The following SHKBP1 variants were observed in gnomAD, a reference collection of about 807,000 sequenced individuals.
The protein encoded by SHKBP1 is SH3KBP1-binding protein 1.
SHKBP1 carries 71 observed loss-of-function variants against 83.9 expected under a neutral mutation model. That is an observed-to-expected ratio of 0.85 (90% CI 0.70 to 1.03). The LOEUF (loss-of-function observed/expected upper bound fraction) is 1.03, where lower values mean the gene tolerates loss of function less well. SHKBP1 is among the 50% of genes least tolerant of loss of function. The pLI, the probability that SHKBP1 is intolerant of heterozygous loss-of-function variation, is 0.00. For missense variants in SHKBP1, 824 were observed against 982.4 expected (o/e 0.84, Z 2.16); for synonymous variants, 371 against 398.0 (o/e 0.93, Z 0.81).
At chr19:40,577,948 T>TACACACACACACACACAC in intron 4 of SHKBP1, 2 of 566,454 alleles carry the variant, frequency 3.5e-6, no homozygotes, top group Non-Finnish European at 6.3e-6. Context: ...GATTTCTCCC[T>TACACACACACACACACAC]ACACACACAC....
intron 13 of SHKBP1, 69 bp downstream of exon 13, chr19:40,587,013 G>A (rs1354643622): frequency 2.8e-6 from 4 of 1,417,678 alleles, no homozygotes; most frequent in African/African-American, 1.4e-5. Context: ...ACAGGAGGAT[G>A]AGAATTTCCA....
chr19:40,590,573 C>T lies in SHKBP1; in HGVS notation c.1768+151C>T, dbSNP rs2081350323. 1.9e-5 allele frequency: 25 copies of T among 1,291,466 alleles called. No homozygotes were observed. In the South Asian group the frequency reaches 3.3e-4, roughly 17 times the overall value. The allele number at this position is 1,291,466 out of a possible 1,614,324, so 80.0% of individuals were successfully genotyped here. On this transcript the variant is annotated intron_variant, in intron 16 of 17. Coordinates refer to ENST00000291842, the MANE Select transcript of SHKBP1 (RefSeq NM_138392.4). The surrounding 1 kb of genome is among the most constrained non-coding windows in gnomAD (Gnocchi z 4.6). The stretch of plus-strand genomic sequence containing the variant: ...TCTCTGCTCCCCATCCCTTCCTGCC[C>T]TTGTTTTTCAACCCCTGTCTCAGCC...
intron 6 of SHKBP1, 112 bp from the exon 7 acceptor site, chr19:40,580,212 C>A: frequency 4.7e-6 from 6 of 1,289,758 alleles, no homozygotes; most frequent in Non-Finnish European, 6.4e-6. Context: ...AATCTTCACC[C>A]GGAGACTATG....
At chr19:40,589,054 C>T (rs1348379530) in intron 14 of SHKBP1, 28 bp from the exon 15 acceptor site, 6 of 1,600,710 alleles carry the variant, frequency 3.7e-6, no homozygotes, top group South Asian at 3.3e-5. Context: ...TCCCAGCTGG[C>T]CCTGACCCCT....
intron 14 of SHKBP1, 151 bp from the exon 15 acceptor site, chr19:40,588,931 C>T (rs2081333728): frequency 1.3e-5 from 16 of 1,279,062 alleles, no homozygotes; most frequent in East Asian, 2.5e-5. Context: ...CACTGACTGC[C>T]ACAACCCCCC....
intron 12 of SHKBP1, among the ~76,000 whole-genome samples, chr19:40,584,178 C>T (rs2081293339): frequency 6.6e-6 from 1 of 152,166 alleles, no homozygotes; most frequent in African/African-American, 2.4e-5. Flanking sequence ...CAAATATTTA[C>T]TGAGTATCCC....
chr19:40,577,257 C>T lies in SHKBP1; in HGVS notation c.113C>T (p.Thr38Ile). ...TTCAGTACCTCTCGCCAGACTCTCA[C>T]CTGGATCCCAGACTCCTTCTTCTCC... ...KRFSTSRQTL[T>I]WIPDSFFSSL... The change falls in exon 2 of 18, where the codon ACC becomes ATC. Residue 38 changes from threonine to isoleucine, a missense_variant. Thr to Ile is a moderately conservative substitution (Grantham distance 89). This residue lies in a region of SHKBP1 where 355 missense variants were observed against 386.4 expected (regional missense o/e 0.92). Transcript: ENST00000291842. 6.2e-7 allele frequency: 1 copy of T among 1,614,058 alleles called. No individual in the cohort carries two copies. Among genetic ancestry groups the T allele is most frequent in the Non-Finnish European group, 8.5e-7 (1 of 1,180,022 alleles).
Position 40,591,169 on chromosome 19 carries a change from A to T in SHKBP1, c.2086A>T (p.Thr696Ser). 6.3e-7 allele frequency: 1 copy of T among 1,597,646 alleles called. No homozygotes were observed. Among genetic ancestry groups the T allele is most frequent in the South Asian group, 1.1e-5 (1 of 90,274 alleles). The change falls in exon 18 of 18, where the codon ACA becomes TCA. Residue 696 changes from threonine to serine, a missense_variant. Thr to Ser is a moderately conservative substitution (Grantham distance 58). Transcript: ENST00000291842. ...CTCCAGCGGTCTCGGCACTCCCCTC[A>T]CACCTCCCAAGATGAAGCTCAATGA... Reference protein sequence around the residue: ...WPSSGLGTPLTPPKMKLNETS... With the variant: ...WPSSGLGTPLSPPKMKLNETS...
intron 10 of SHKBP1, 125 bp from the exon 11 acceptor site, chr19:40,583,273 C>T (rs891487725): frequency 3.4e-5 from 24 of 704,676 alleles, no homozygotes; most frequent in South Asian, 1.3e-4. Context: ...CTGGGGTGGA[C>T]GGGGCTGGGG....
chr19:40,580,196 A>G, intron 6 of SHKBP1, 128 bp from the exon 7 acceptor site: 1 of 1,097,432 alleles, frequency 9.1e-7, no homozygotes, highest in Non-Finnish European at 1.3e-6. Flanking sequence ...TCACTGCACC[A>G]CTTAAAATCT....
In SHKBP1 at chr19:40,591,141, G is replaced by T. The variant is rs1383665894; in HGVS notation, c.2058G>T (p.Trp686Cys). Residue 686 changes from tryptophan (W) to cysteine (C), a missense_variant, in exon 18 of 18, where the codon TGG becomes TGT. By Grantham distance (215) the Trp-to-Cys change is radical. Coordinates refer to ENST00000291842, the MANE Select transcript of SHKBP1 (RefSeq NM_138392.4). ...GACGGCCACCCACACCAGCCCCGTG[G>T]CCCTCCAGCGGTCTCGGCACTCCCC... Reference protein sequence around the residue: ...DLRRPPTPAPWPSSGLGTPLT... With the variant: ...DLRRPPTPAPCPSSGLGTPLT... 6.8e-6 allele frequency: 11 copies of T among 1,606,652 alleles called. No homozygotes were observed. The highest frequency in any genetic ancestry group is 9.4e-6 in the Non-Finnish European group (11 of 1,174,018).
At position 40,584,503 on chromosome 19, in the gene SHKBP1, G is replaced by A. The variant is rs566387925; in HGVS notation, c.1165+786G>A. ...CGGATTTTAGTATATTCACAAGGTTGTACAACTATCACCATGAACAAATTC... is the reference window on the plus strand; with the variant it reads ...CGGATTTTAGTATATTCACAAGGTTATACAACTATCACCATGAACAAATTC... On this transcript the variant is annotated intron_variant, in intron 12 of 17. Transcript: ENST00000291842. Among the ~76,000 whole-genome samples, 11 of 152,320 alleles carry A rather than the reference G, an allele frequency of 7.2e-5. No individual in the cohort carries two copies. In the South Asian group the frequency reaches 2.3e-3, roughly 32 times the overall value.
chr19:40,581,015 C>A, intron 9 of SHKBP1, 79 bp downstream of exon 9: 1 of 1,367,338 alleles, frequency 7.3e-7, no homozygotes. Flanking sequence ...CCATAAAATC[C>A]TCAAACCCAT....
chr19:40,590,459 C>A lies in SHKBP1; in HGVS notation c.1768+37C>A. 1 of 1,571,036 alleles carries A rather than the reference C, an allele frequency of 6.4e-7. No individual in the cohort carries two copies. Among genetic ancestry groups the A allele is most frequent in the South Asian group, 1.2e-5 (1 of 84,260 alleles). On this transcript the variant is annotated intron_variant, in intron 16 of 17. Coordinates refer to ENST00000291842, the MANE Select transcript of SHKBP1 (RefSeq NM_138392.4). The surrounding 1 kb of genome is among the most constrained non-coding windows in gnomAD (Gnocchi z 4.6). ...CCCACCCCAATCCCGTCCCAAGCCC[C>A]ACAGCCTCACCCAGAACCACTCTCC...
chr19:40,585,726 T>G (rs2081306998), intron 12 of SHKBP1: 1 of 151,948 alleles, frequency 6.6e-6, no homozygotes, highest in Non-Finnish European at 1.5e-5. Flanking sequence ...TTTTGTGTTT[T>G]TAGTAGAGGC....
intron 12 of SHKBP1, among the ~76,000 whole-genome samples, chr19:40,584,748 A>G (rs1301935852): frequency 6.6e-6 from 1 of 152,000 alleles, no homozygotes; most frequent in African/African-American, 2.4e-5. Flanking sequence ...CAGCTTCCTG[A>G]GTAGGGGAGG....
In SHKBP1 at chr19:40,582,343, C is replaced by T. The variant is rs375995255; in HGVS notation, c.845-8C>T. On this transcript the variant is annotated splice_region_variant and splice_polypyrimidine_tract_variant and intron_variant, in intron 9 of 17. Transcript: ENST00000291842. ...GGGTTCCAGCTGAGCCCTTTTTGCC[C>T]ACTGCAGGGGTCTTTCATCTGGGGG... 3.0e-5 allele frequency: 49 copies of T among 1,611,514 alleles called. No individual in the cohort carries two copies. The highest frequency in any genetic ancestry group is 3.9e-5 in the Non-Finnish European group (46 of 1,178,644).
intron 15 of SHKBP1, 152 bp downstream of exon 15, chr19:40,589,330 C>T (rs2081337721): frequency 1.3e-6 from 1 of 782,924 alleles, no homozygotes; most frequent in Non-Finnish European, 2.1e-6. Context: ...GGAGGGAGGA[C>T]AGGCCTGGTA....
intron 9 of SHKBP1, among the ~76,000 whole-genome samples, 199 bp downstream of exon 9, chr19:40,581,135 A>G (rs191344151): frequency 5.3e-5 from 8 of 152,222 alleles, no homozygotes; most frequent in East Asian, 1.9e-4. Flanking sequence ...CCACCCACAT[A>G]CAATTCTCCC....
Sources: gnomAD v4.1 joint callset for allele counts (sites outside exome capture counted in the v4.1 genomes callset) on GRCh38, gnomAD v4.1.1 for gene constraint, gnomAD v4.1.1 regional missense constraint, Gnocchi (gnomAD v3.1) non-coding constraint, MANE v1.5 for transcripts, NCBI Gene and HGNC (gene_info 2026-07-23, HGNC 2026-07-21) for gene names.